The following SZT2 variants were observed in gnomAD, a reference collection of about 807,000 sequenced individuals.
SZT2 encodes the protein SZT2 subunit of KICSTOR complex.
In SZT2, 216 loss-of-function variants were observed where a neutral mutation model predicts 404.2. That is an observed-to-expected ratio of 0.53 (90% confidence interval 0.48 to 0.60). The LOEUF (loss-of-function observed/expected upper bound fraction) is 0.60, where lower values mean the gene tolerates loss of function less well. Among genes scored for constraint, SZT2 ranks in the 20% least tolerant of loss-of-function variants. The pLI, the probability that SZT2 is intolerant of heterozygous loss-of-function variation, is 0.00. For synonymous variants in SZT2, 1,693 were observed against 1,749.9 expected (o/e 0.97, Z 0.81); for missense variants, 3,857 against 4,459.2 (o/e 0.86, Z 3.85).
rs775627450 is a variant in SZT2, at chr1:43,422,777, A to G, written c.1931A>G (p.Asp644Gly). Residue 644 changes from aspartate (D) to glycine (G), a missense_variant, in exon 14 of 72, where the codon GAC becomes GGC. Transcript: ENST00000634258. ...SYVKLLSSAP[D>G]QPPNSFYMVR... is the part of the protein sequence containing the mutation. ...CTCCCATTTCTCCCCAGTGCCCCAG[A>G]CCAGCCCCCCAATTCCTTCTACATG... 6.3e-7 allele frequency: 1 copy of G among 1,584,864 alleles called. No homozygotes were observed. The highest frequency in any genetic ancestry group is 2.3e-5 in the East Asian group (1 of 44,158).
rs760511256 is a variant in SZT2 at position 43,439,938 on chromosome 1, T to A, written c.7100T>A (p.Ile2367Asn). 1.2e-6 allele frequency: 2 copies of A among 1,613,668 alleles called. No homozygotes were observed. Among genetic ancestry groups the A allele is most frequent in the Non-Finnish European group, 1.7e-6 (2 of 1,179,768 alleles). Reference sequence around the variant, plus strand: ...GTGTGGGAAAAGGGGAACATTAGTATTGTGCAGCTGGAGGAGAAACTCCGA... The same window carrying A: ...GTGTGGGAAAAGGGGAACATTAGTAATGTGCAGCTGGAGGAGAAACTCCGA... Reference protein sequence around the residue: ...LDVWEKGNISIVQLEEKLRGA... With the variant: ...LDVWEKGNISNVQLEEKLRGA... Residue 2367 changes from isoleucine (I) to asparagine (N), a missense_variant, in exon 51 of 72, where the codon ATT becomes AAT. Around this residue, in one of 7 missense-constraint regions of SZT2, gnomAD observed 573 missense variants for 592.4 expected, o/e 0.97. Coordinates refer to ENST00000634258, the MANE Select transcript of SZT2 (RefSeq NM_001365999.1). This position sits in a 1 kb window ranked among gnomAD's most constrained non-coding sequence, Gnocchi z 4.2.
Position 43,403,315 on chromosome 1 carries a change from C to T in SZT2, c.153+13C>T, listed in dbSNP as rs758746941. 8.7e-6 allele frequency: 14 copies of T among 1,610,952 alleles called. No individual in the cohort carries two copies. In the Admixed American group the frequency reaches 1.8e-4, roughly 21 times the overall value. ...CCAGGAGATGCTGGTGAGGCTTAGA[C>T]ACACGAAAGGTGTGAGGGGCCAGCC... is the stretch of plus-strand genomic sequence containing the variant. On this transcript the variant is annotated intron_variant, in intron 2 of 71. Transcript: ENST00000634258.
Position 43,434,485 on chromosome 1 carries a change from G to A in SZT2, c.5904G>A (p.Gln1968=). The A allele has an allele frequency of 6.3e-7, 1 of 1,590,586 alleles. No individual in the cohort carries two copies. The highest frequency in any genetic ancestry group is 8.5e-7 in the Non-Finnish European group (1 of 1,169,854). The change falls in exon 41 of 72, where the codon CAG becomes CAA. Residue 1968 remains glutamine, a splice_region_variant and synonymous_variant. Coordinates refer to ENST00000634258, the MANE Select transcript of SZT2 (RefSeq NM_001365999.1). ...RVGEICREVN[Q]RLLLQDLHDS... Reference sequence around the variant, plus strand: ...GGGAGATCTGCAGGGAGGTCAACCAGGTAAGGGGCAGGACTCTCCAGACCC... The same window carrying A: ...GGGAGATCTGCAGGGAGGTCAACCAAGTAAGGGGCAGGACTCTCCAGACCC...
Position 43,442,023 on chromosome 1 carries a change from G to A in SZT2, c.7766G>A (p.Gly2589Asp). Reference sequence around the variant, plus strand: ...AGGGGTTCAGAGCCAGAGATCTTCGGCCCTTGTTCCCCTGGGCAACTGGGC... The same window carrying A: ...AGGGGTTCAGAGCCAGAGATCTTCGACCCTTGTTCCCCTGGGCAACTGGGC... The part of the protein sequence containing the change: ...QHLGSEPEIF[G>D]PCSPGQLGPS... Residue 2589 changes from glycine to aspartate, a missense_variant, in exon 56 of 72, where the codon GGC (glycine) becomes GAC (aspartate). Around this residue, in one of 7 missense-constraint regions of SZT2, gnomAD observed 573 missense variants for 592.4 expected, o/e 0.97. Transcript: ENST00000634258. This position sits in a 1 kb window ranked among gnomAD's most constrained non-coding sequence, Gnocchi z 4.5. The A allele has an allele frequency of 1.2e-6, 2 of 1,613,750 alleles. No homozygotes were observed. The highest frequency in any genetic ancestry group is 8.5e-7 in the Non-Finnish European group (1 of 1,179,828).
At position 43,425,868 on chromosome 1, in the gene SZT2, A is replaced by T; in HGVS notation, c.2848A>T (p.Met950Leu). ...ACGGGATGCTGCCTGCATAGGCTCC[A>T]TGCTGAGCTTTGAATACCTGATACA... ...HPRDAACIGS[M>L]LSFEYLIQLC... Residue 950 changes from methionine to leucine, a missense_variant, in exon 20 of 72, where the codon ATG (methionine) becomes TTG (leucine). Met to Leu is a conservative substitution (Grantham distance 15). This residue lies in a region of SZT2 where 1,725 missense variants were observed against 1,881.0 expected (regional missense o/e 0.92). Transcript: ENST00000634258. This position sits in a 1 kb window ranked among gnomAD's most constrained non-coding sequence, Gnocchi z 4.3. The T allele has an allele frequency of 6.2e-7, 1 of 1,614,100 alleles. No individual in the cohort carries two copies. Among genetic ancestry groups the T allele is most frequent in the Non-Finnish European group, 8.5e-7 (1 of 1,180,000 alleles).
Position 43,426,793 on chromosome 1 carries a change from C to G in SZT2, c.3293C>G (p.Ser1098Cys), listed in dbSNP as rs1653203113. ...AVGSTQATGDSAFTSLSVGLP... is the reference protein window; with the variant it reads ...AVGSTQATGDCAFTSLSVGLP... ...GGCAGCACCCAGGCCACAGGAGACTCCGCTTTTACTTCCCTGGTCAGCACC... is the reference window on the plus strand; with the variant it reads ...GGCAGCACCCAGGCCACAGGAGACTGCGCTTTTACTTCCCTGGTCAGCACC... Residue 1098 changes from serine (S) to cysteine (C), a missense_variant, in exon 23 of 72, where the codon TCC becomes TGC. This residue lies in a region of SZT2 where 1,725 missense variants were observed against 1,881.0 expected (regional missense o/e 0.92). Transcript: ENST00000634258. This position sits in a 1 kb window ranked among gnomAD's most constrained non-coding sequence, Gnocchi z 4.9. 2 of 1,613,754 alleles carry G rather than the reference C, an allele frequency of 1.2e-6. No homozygotes were observed. Among genetic ancestry groups the G allele is most frequent in the East Asian group, 4.5e-5 (2 of 44,864 alleles).
chr1:43,438,253 A>G, intron 46 of SZT2: 2 of 357,790 alleles, frequency 5.6e-6, no homozygotes, highest in South Asian at 2.7e-5. Flanking sequence ...TGGCTGGAGA[A>G]CTGGTGGTGC....
Position 43,450,263 on chromosome 1 carries a change from CCTTT to C in SZT2, c.10156-71_10156-68del. Reference sequence around the variant, plus strand: ...AGCCTGCTGAGGTTGGGGTGCCCACCCTTTCTGAGCCCTGCCTCCTATCCCCACC... The same window carrying C: ...AGCCTGCTGAGGTTGGGGTGCCCACCCTGAGCCCTGCCTCCTATCCCCACC... On this transcript the variant is annotated intron_variant, in intron 71 of 71. Transcript: ENST00000634258. This position sits in a 1 kb window ranked among gnomAD's most constrained non-coding sequence, Gnocchi z 4.3. 1 of 1,613,704 alleles carries C rather than the reference CCTTT, an allele frequency of 6.2e-7. No homozygotes were observed. Among genetic ancestry groups the C allele is most frequent in the Non-Finnish European group, 8.5e-7 (1 of 1,179,670 alleles).
chr1:43,442,924 G>A lies in SZT2; in HGVS notation c.8257G>A (p.Gly2753Ser). The change falls in exon 59 of 72, where the codon GGT becomes AGT. Residue 2753 changes from glycine to serine, a missense_variant. Physicochemically the swap from Gly to Ser is moderately conservative, Grantham distance 56 (BLOSUM62 0). Around this residue, in one of 7 missense-constraint regions of SZT2, gnomAD observed 573 missense variants for 592.4 expected, o/e 0.97. Transcript: ENST00000634258. This position sits in a 1 kb window ranked among gnomAD's most constrained non-coding sequence, Gnocchi z 4.5. ...GGGCCGACTGAGTGGGTCCTCTCGT[G>A]GTGGGGGTCCTCTTCCCCTGGACAC... Reference protein sequence around the residue: ...EQGRLSGSSRGGGPLPLDTFP... With the variant: ...EQGRLSGSSRSGGPLPLDTFP... 6.2e-7 allele frequency: 1 copy of A among 1,614,140 alleles called. No individual in the cohort carries two copies. The highest frequency in any genetic ancestry group is 8.5e-7 in the Non-Finnish European group (1 of 1,179,990).
Position 43,437,966 on chromosome 1 carries a change from CT to C in SZT2, c.6508+66del. 6.6e-7 allele frequency: 1 copy of C among 1,505,428 alleles called. No homozygotes were observed. The allele number at this position is 1,505,428 out of a possible 1,614,324, so 93.3% of individuals were successfully genotyped here. ...GGTTCCAGAATCCTCTGGGACTTCT[CT>C]TAGAACCTTGCAAGCATTACACTAG... On this transcript the variant is annotated intron_variant, in intron 46 of 71. Coordinates refer to ENST00000634258, the MANE Select transcript of SZT2 (RefSeq NM_001365999.1). The surrounding 1 kb of genome is among the most constrained non-coding windows in gnomAD (Gnocchi z 5.3).
chr1:43,438,900 AGCTCTGC>A (rs1158610410), intron 47 of SZT2, 22 bp from the exon 48 acceptor site: 1 of 1,613,824 alleles, frequency 6.2e-7, no homozygotes, highest in South Asian at 1.1e-5. Context: ...TTCTGCATTC[AGCTCTGC>A]CCTCTTCTTC....
At position 43,435,409 on chromosome 1, in the gene SZT2, G is replaced by A. The variant is rs78006818; in HGVS notation, c.6034+80G>A. 9 of 1,525,748 alleles carry A rather than the reference G, an allele frequency of 5.9e-6. No homozygotes were observed. In the East Asian group the frequency reaches 1.8e-4, roughly 31 times the overall value. 94.5% of individuals were successfully genotyped at this position (1,525,748 alleles called of 1,614,324 possible). A position where few individuals can be genotyped will look rare whatever the true frequency, so the allele number is the denominator to read the frequency against. On this transcript the variant is annotated intron_variant, in intron 42 of 71. Coordinates refer to ENST00000634258, the MANE Select transcript of SZT2 (RefSeq NM_001365999.1). ...TACCGAATACTCTGGTGAAAGCTGAGGGCAGAGTCCTCATTACTTGGTCAT... is the reference window on the plus strand; with the variant it reads ...TACCGAATACTCTGGTGAAAGCTGAAGGCAGAGTCCTCATTACTTGGTCAT...
In SZT2 at chr1:43,446,936, C is replaced by T; in HGVS notation, c.9073-19C>T. On this transcript the variant is annotated intron_variant, in intron 65 of 71. Coordinates refer to ENST00000634258, the MANE Select transcript of SZT2 (RefSeq NM_001365999.1). ...GTGCAGCCATACCTTAACCCTGTCT[C>T]CTGCTGCTGCCTCCCCAGCTGTCCA... 1.2e-6 allele frequency: 2 copies of T among 1,601,854 alleles called. No individual in the cohort carries two copies. The highest frequency in any genetic ancestry group is 1.7e-4 in the Middle Eastern group (1 of 6,004).
chr1:43,430,575 C>G lies in SZT2; in HGVS notation c.4560C>G (p.Asp1520Glu), dbSNP rs776049293. 2.5e-6 allele frequency: 4 copies of G among 1,614,186 alleles called. No individual in the cohort carries two copies. In the South Asian group the frequency reaches 4.4e-5, roughly 18 times the overall value. The change falls in exon 32 of 72, where the codon GAC becomes GAG. Residue 1520 changes from aspartate (D) to glutamate (E), a missense_variant. Transcript: ENST00000634258. ...EVEYRESRES[D>E]LGPAGLDSAS... ...AATACCGGGAGAGCCGTGAATCAGA[C>G]CTGGGGCCTGCTGGGCTAGACTCTG...
rs777511404 is a variant in SZT2, at chr1:43,451,006, G to T, written c.*526G>T. 1 of 767,946 alleles carries T rather than the reference G, an allele frequency of 1.3e-6. No homozygotes were observed. The highest frequency in any genetic ancestry group is 2.4e-6 in the Non-Finnish European group (1 of 421,224). 47.6% of individuals were successfully genotyped at this position (767,946 alleles called of 1,614,324 possible). ...CAAGTCCCTTTGCTCTCGGACCCTG[G>T]GTTTCTCATCCTTTAATGAGGTGGG... On this transcript the variant is annotated 3_prime_UTR_variant, in exon 72 of 72. Coordinates refer to ENST00000634258, the MANE Select transcript of SZT2 (RefSeq NM_001365999.1).
At chr1:43,447,741 G>A (rs139052358) in intron 67 of SZT2, 43 bp downstream of exon 67, 1 of 1,610,936 alleles carries the variant, frequency 6.2e-7, no homozygotes, top group African/African-American at 1.3e-5. Context: ...TGCAGGAGCT[G>A]GGGTTGGGAC....
In SZT2 at chr1:43,437,744, C is replaced by T. The variant is rs768981374; in HGVS notation, c.6396+44C>T. On this transcript the variant is annotated intron_variant, in intron 45 of 71. Transcript: ENST00000634258. This position sits in a 1 kb window ranked among gnomAD's most constrained non-coding sequence, Gnocchi z 5.3. Reference sequence around the variant, plus strand: ...CTCTGATGCCCCTGTGTTCCTCTTGCACTTTGCTCTCTGGAACCGGGGCCC... The same window carrying T: ...CTCTGATGCCCCTGTGTTCCTCTTGTACTTTGCTCTCTGGAACCGGGGCCC... 1 of 1,613,940 alleles carries T rather than the reference C, an allele frequency of 6.2e-7. No homozygotes were observed. The highest frequency in any genetic ancestry group is 2.2e-5 in the East Asian group (1 of 44,878).
chr1:43,446,446 T>A, intron 65 of SZT2, 30 bp downstream of exon 65: 2 of 1,613,276 alleles, frequency 1.2e-6, no homozygotes, highest in Non-Finnish European at 1.7e-6. Context: ...GCACAGTCAG[T>A]GCACCCCAGT....
In SZT2 at chr1:43,441,202, C is replaced by T. The variant is rs1557590210; in HGVS notation, c.7345-12C>T. On this transcript the variant is annotated splice_polypyrimidine_tract_variant and intron_variant, in intron 52 of 71. Transcript: ENST00000634258. This position sits in a 1 kb window ranked among gnomAD's most constrained non-coding sequence, Gnocchi z 4.8. ...CCCAGTAGCCCTTCCTCATTCACTG[C>T]ATTGCCCCCAGAGTAAAACAGAATG... The T allele has an allele frequency of 6.8e-6, 11 of 1,612,750 alleles. No individual in the cohort carries two copies. Among genetic ancestry groups the T allele is most frequent in the Non-Finnish European group, 9.3e-6 (11 of 1,179,020 alleles).
Sources: allele counts gnomAD v4.1 joint callset, GRCh38; gene constraint gnomAD v4.1.1; regional missense constraint gnomAD v4.1.1; non-coding constraint Gnocchi (gnomAD v3.1); transcripts MANE v1.5; gene names NCBI Gene and HGNC (gene_info 2026-07-23, HGNC 2026-07-21).